BBX: variants seen among roughly 807,000 people sequenced by gnomAD.
BBX encodes BBX high mobility group box domain containing.
In BBX, 30 loss-of-function variants were observed where a neutral mutation model predicts 100.2. The ratio of observed to expected loss-of-function variants is 0.30; its 90% CI spans 0.22 to 0.41. The LOEUF (loss-of-function observed/expected upper bound fraction) is 0.41. Among genes scored for constraint, BBX ranks in the 10% least tolerant of loss-of-function variants. BBX has a pLI of 1.00. For missense variants in BBX, 1,023 were observed against 1,129.8 expected (o/e 0.91, Z 1.35); for synonymous variants, 376 against 388.1 (o/e 0.97, Z 0.37).
intron 2 of BBX, 176 bp downstream of exon 2, chr3:107,526,574 C>T: frequency 2.6e-6 from 1 of 389,498 alleles, no homozygotes; most frequent in Non-Finnish European, 4.5e-6. Context: ...TAGAATTCAG[C>T]TGTGGGTTAT....
intron 2 of BBX, among the ~76,000 whole-genome samples, chr3:107,615,200 ATTTAAGAAC>A (rs1382284505): frequency 6.6e-6 from 1 of 152,134 alleles, no homozygotes; most frequent in Non-Finnish European, 1.5e-5. Context: ...TTGACCATGT[ATTTAAGAAC>A]TTGAGTTAAT....
chr3:107,524,453 CTT>C (rs1576155816), intron 1 of BBX: 1 of 151,946 alleles, frequency 6.6e-6, no homozygotes, highest in Admixed American at 6.6e-5. Context: ...TTGTATGAAA[CTT>C]AACATAACTG....
At chr3:107,615,946 A>G (rs991497302) in intron 2 of BBX, among the ~76,000 whole-genome samples, 2 of 142,732 alleles carry the variant, frequency 1.4e-5, no homozygotes, top group African/African-American at 2.6e-5. Context: ...AGGCCCTTCA[A>G]AGGAGGCAGT....
Position 107,583,973 on chromosome 3 carries a change from TTATTA to T in BBX, c.-84+57582_-84+57586del, listed in dbSNP as rs1397260174. Among the ~76,000 whole-genome samples the T allele has an allele frequency of 2.5e-3, 227 of 89,278 alleles. 11 individuals are homozygous for T. Among genetic ancestry groups the T allele is most frequent in the African/African-American group, 0.011 (213 of 18,982 alleles). 58.6% of individuals were successfully genotyped at this position (89,278 alleles called of 152,430 possible). ...TATTATATTATATATATTATATATATTATTATATTATTATATATTATTATATTATT... is the reference window on the plus strand; with the variant it reads ...TATTATATTATATATATTATATATATTATTATTATATATTATTATATTATT... On this transcript the variant is annotated intron_variant, in intron 2 of 17. Transcript: ENST00000325805.
intron 3 of BBX, among the ~76,000 whole-genome samples, chr3:107,648,450 A>T (rs2057654396): frequency 6.6e-6 from 1 of 152,206 alleles, no homozygotes; most frequent in Non-Finnish European, 1.5e-5. Flanking sequence ...TCTTTTACCT[A>T]TGTATAATAG....
chr3:107,808,016 A>T lies in BBX; in HGVS notation c.*2559A>T, dbSNP rs2399214. ...ATAATTGTGCTTCTCATGCCCTGAA[A>T]CTGCTGGAGAGGAGTGTTGTTATTT... On this transcript the variant is annotated 3_prime_UTR_variant, in exon 18 of 18. Coordinates refer to ENST00000325805, the MANE Select transcript of BBX (RefSeq NM_001142568.3). The T allele has an allele frequency of 0.97, 148,046 of 152,292 alleles. 72,102 individuals carry two copies. Among genetic ancestry groups the T allele is most frequent in the East Asian group, 1 (5,180 of 5,180 alleles). 9.4% of individuals were successfully genotyped at this position (152,292 alleles called of 1,614,324 possible). A position where few individuals can be genotyped will look rare whatever the true frequency, so the allele number is the denominator to read the frequency against.
chr3:107,614,678 T>C (rs2055119167), intron 2 of BBX, among the ~76,000 whole-genome samples: 1 of 152,214 alleles, frequency 6.6e-6, no homozygotes, highest in African/African-American at 2.4e-5. Context: ...CTTAATACAA[T>C]GTAAATGCCA....
Position 107,709,138 on chromosome 3 carries a change from A to T in BBX, c.-9-1314A>T, listed in dbSNP as rs192409752. Among the ~76,000 whole-genome samples, 946 of 151,858 alleles carry T rather than the reference A, an allele frequency of 6.2e-3. 15 individuals carry two copies. Among genetic ancestry groups the T allele is most frequent in the East Asian group, 0.023 (119 of 5,184 alleles). On this transcript the variant is annotated intron_variant, in intron 3 of 17. Transcript: ENST00000325805. ...TATAGTTGGCTAGCTATTTTTTTTT[A>T]AAAAAGAAGCTAGATCCTTACCTCA...
chr3:107,601,762 A>T (rs769335184), intron 2 of BBX, among the ~76,000 whole-genome samples: 3 of 152,258 alleles, frequency 2.0e-5, no homozygotes, highest in Admixed American at 6.5e-5. Flanking sequence ...TATCCAGAAG[A>T]TCTAGATAAG....
At chr3:107,741,299 A>G (rs953065507) in intron 7 of BBX, among the ~76,000 whole-genome samples, 9 of 152,056 alleles carry the variant, frequency 5.9e-5, no homozygotes, top group East Asian at 1.9e-4. Context: ...TATGTATTCA[A>G]TTTCACTATG....
intron 16 of BBX, 69 bp from the exon 17 acceptor site, chr3:107,801,026 C>T (rs545510461): frequency 3.5e-6 from 5 of 1,446,950 alleles, no homozygotes; most frequent in Non-Finnish European, 3.8e-6. Flanking sequence ...ACTGGCACAG[C>T]GTTTTCTATG....
At chr3:107,729,606 A>T (rs1398153330) in intron 6 of BBX, among the ~76,000 whole-genome samples, 1 of 152,200 alleles carries the variant, frequency 6.6e-6, no homozygotes, top group South Asian at 2.1e-4. Context: ...TCACCCTACA[A>T]GTGGGCTCTG....
intron 8 of BBX, among the ~76,000 whole-genome samples, chr3:107,746,037 TATA>T (rs1405997845): frequency 6.6e-6 from 1 of 152,142 alleles, no homozygotes; most frequent in African/African-American, 2.4e-5. Flanking sequence ...TATCTTAATT[TATA>T]ATAACATCCC....
Position 107,617,841 on chromosome 3 carries a change from A to T in BBX, c.-83-27995A>T, listed in dbSNP as rs182036397. 2.6e-5 allele frequency among the ~76,000 whole-genome samples: 4 copies of T among 151,412 alleles called. No individual in the cohort carries two copies. In the East Asian group the frequency reaches 7.7e-4, roughly 29 times the overall value. On this transcript the variant is annotated intron_variant, in intron 2 of 17. Transcript: ENST00000325805. ...ATTATCATGTCATCTGTAAATAGGG[A>T]TCGTTTTGTTTCTTCTTTCAGGTCT...
chr3:107,536,986 T>A (rs2048541278), intron 2 of BBX, among the ~76,000 whole-genome samples: 1 of 152,198 alleles, frequency 6.6e-6, no homozygotes, highest in African/African-American at 2.4e-5. Flanking sequence ...TGGGACGAGT[T>A]TCTTACTGTG....
At chr3:107,541,043 GC>G (rs2107359631) in intron 2 of BBX, among the ~76,000 whole-genome samples, 1 of 152,282 alleles carries the variant, frequency 6.6e-6, no homozygotes, top group African/African-American at 2.4e-5. Flanking sequence ...TTAGTGGCTG[GC>G]CACATGAAAG....
At chr3:107,568,765 T>C (rs2051128134) in intron 2 of BBX, among the ~76,000 whole-genome samples, 1 of 152,204 alleles carries the variant, frequency 6.6e-6, no homozygotes, top group African/African-American at 2.4e-5. Flanking sequence ...CGATATTCTT[T>C]CAGTGGTGTC....
intron 15 of BBX, among the ~76,000 whole-genome samples, chr3:107,793,807 C>T (rs1438637163): frequency 1.3e-5 from 2 of 152,084 alleles, no homozygotes; most frequent in African/African-American, 4.8e-5. Context: ...ACTTCAAGTT[C>T]ACTGTGTTTT....
intron 12 of BBX, 75 bp downstream of exon 12, chr3:107,774,932 C>T (rs777299203): frequency 3.9e-6 from 6 of 1,530,154 alleles, no homozygotes; most frequent in Non-Finnish European, 5.3e-6. Context: ...GTAAACAGAT[C>T]ACTAACTACG....
Sources: allele counts gnomAD v4.1 joint callset (sites outside exome capture counted in the v4.1 genomes callset), GRCh38; gene constraint gnomAD v4.1.1; transcripts MANE v1.5; gene names NCBI Gene and HGNC (gene_info 2026-07-23, HGNC 2026-07-21).